Variants in PFKFB3 observed in about 807,000 individuals in gnomAD.
PFKFB3 encodes 6-phosphofructo-2-kinase/fructose-2,6-bisphosphatase 3.
A neutral mutation model predicts 68.0 loss-of-function variants in PFKFB3; 33 were observed. The ratio of observed to expected loss-of-function variants is 0.49; its 90% CI spans 0.37 to 0.65. PFKFB3 has a LOEUF of 0.65. Among genes scored for constraint, PFKFB3 ranks in the 30% least tolerant of loss-of-function variants. PFKFB3 has a pLI of 0.00. For synonymous variants in PFKFB3, 315 were observed against 288.2 expected (o/e 1.09, Z -0.94); for missense variants, 586 against 712.2 (o/e 0.82, Z 2.02).
At chr10:6,314,731 G>A in the PFKFB3 span, among the ~76,000 whole-genome samples, 1 of 152,302 alleles carries the variant, frequency 6.6e-6, no homozygotes, top group Non-Finnish European at 1.5e-5. Context: ...TCTGGAAGGG[G>A]AATGGCCGGG....
At chr10:6,156,440 G>A (rs1183287519) in intron 1 of PFKFB3, among the ~76,000 whole-genome samples, 1 of 151,630 alleles carries the variant, frequency 6.6e-6, no homozygotes, top group African/African-American at 2.4e-5. Flanking sequence ...ATAGGCATGT[G>A]TCATCACGTC....
intron 11 of PFKFB3, among the ~76,000 whole-genome samples, chr10:6,223,261 C>T (rs1421525085): frequency 6.6e-6 from 1 of 152,190 alleles, no homozygotes; most frequent in African/African-American, 2.4e-5. Context: ...TCCACACATC[C>T]CAGGGTCTTG....
chr10:6,293,666 T>A, the PFKFB3 span: 1 of 273,206 alleles, frequency 3.7e-6, no homozygotes, highest in Non-Finnish European at 7.7e-6. Context: ...TTTTAAATGA[T>A]AAAACCAACA....
chr10:6,226,486 T>TGCGTATGTTGTAGGTGTCTGTGCAC, intron 14 of PFKFB3, 121 bp downstream of exon 14: 1 of 896,298 alleles, frequency 1.1e-6, no homozygotes, highest in Non-Finnish European at 1.7e-6. Flanking sequence ...TGGGTGCGCG[T>TGCGTATGTTGTAGGTGTCTGTGCAC]GCGTATGTTG....
intron 1 of PFKFB3, among the ~76,000 whole-genome samples, chr10:6,191,815 C>A (rs1843030436): frequency 6.6e-6 from 1 of 152,166 alleles, no homozygotes; most frequent in Non-Finnish European, 1.5e-5. Flanking sequence ...AACCCCCGCG[C>A]CTTCGTCAGT....
the PFKFB3 span, among the ~76,000 whole-genome samples, chr10:6,262,433 C>T: frequency 7.0e-5 from 8 of 114,168 alleles, no homozygotes; most frequent in East Asian, 1.1e-3. Context: ...CCAGCCTGGG[C>T]GACAGCGAGA....
intron 1 of PFKFB3, among the ~76,000 whole-genome samples, chr10:6,149,349 G>A (rs1167960532): frequency 6.6e-6 from 1 of 152,130 alleles, no homozygotes; most frequent in Admixed American, 6.5e-5. Flanking sequence ...GCACTTGGGA[G>A]GCCAAGGCGG....
chr10:6,192,664 C>CATGT (rs1285620223), intron 1 of PFKFB3, among the ~76,000 whole-genome samples: 59 of 128,878 alleles, frequency 4.6e-4, no homozygotes, highest in African/African-American at 1.6e-3. Flanking sequence ...TCCCCTCACC[C>CATGT]GTGTGTGTGT....
intron 1 of PFKFB3, chr10:6,146,144 G>T (rs752180447): frequency 1.2e-4 from 92 of 773,956 alleles, no homozygotes; most frequent in Non-Finnish European, 1.4e-4. Context: ...GGGTGTGTGT[G>T]GGGGGAGCCT....
chr10:6,220,968 G>GCTGCTT lies in PFKFB3; in HGVS notation c.831+105_831+106insGCTTCT. On this transcript the variant is annotated intron_variant, in intron 8 of 14. Coordinates refer to ENST00000379775, the MANE Select transcript of PFKFB3 (RefSeq NM_004566.4). The surrounding 1 kb of genome is among the most constrained non-coding windows in gnomAD (Gnocchi z 4.1). ...TGCTGCTGCTGCTGCTGCTGCTGCT[G>GCTGCTT]CTTGGTGTGCTTGCTGTGTGTGTTA... 8.9e-7 allele frequency: 1 copy of GCTGCTT among 1,123,796 alleles called. No homozygotes were observed. Among genetic ancestry groups the GCTGCTT allele is most frequent in the Non-Finnish European group, 1.3e-6 (1 of 754,156 alleles). The allele number at this position is 1,123,796 out of a possible 1,614,324, so 69.6% of individuals were successfully genotyped here.
chr10:6,252,143 A>T (rs1846396182), intron 14 of PFKFB3, among the ~76,000 whole-genome samples: 1 of 152,180 alleles, frequency 6.6e-6, no homozygotes, highest in South Asian at 2.1e-4. Flanking sequence ...GCTAATACAG[A>T]AGTAAAACTC....
the PFKFB3 span, among the ~76,000 whole-genome samples, chr10:6,280,969 CCT>C: frequency 2.6e-5 from 4 of 150,962 alleles, no homozygotes; most frequent in Non-Finnish European, 5.9e-5. Flanking sequence ...ACCCTTTCCC[CCT>C]GAGTCCCCAA....
At chr10:6,245,081 G>A (rs932073251) in intron 14 of PFKFB3, among the ~76,000 whole-genome samples, 1 of 152,068 alleles carries the variant, frequency 6.6e-6, no homozygotes, top group Non-Finnish European at 1.5e-5. Context: ...TAAACAACTT[G>A]ACTTGTGGTC....
chr10:6,315,513 G>A, the PFKFB3 span, among the ~76,000 whole-genome samples: 2 of 151,976 alleles, frequency 1.3e-5, no homozygotes, highest in South Asian at 4.2e-4. Flanking sequence ...TTTGAGATGG[G>A]GTCTCTGTTG....
chr10:6,201,095 GCGCTCTTTGCAGGGGTGCAGC>G (rs1843332893), upstream of PFKFB3, among the ~76,000 whole-genome samples: 1 of 152,166 alleles, frequency 6.6e-6, no homozygotes, highest in South Asian at 2.1e-4. This position sits in a 1 kb window ranked among gnomAD's most constrained non-coding sequence, Gnocchi z 4.1. Flanking sequence ...GGAACCGCGG[GCGCTCTTTGCAGGGGTGCAGC>G]CGCTCTCCCC....
At chr10:6,246,552 G>A (rs1415041523) in intron 14 of PFKFB3, among the ~76,000 whole-genome samples, 1 of 151,942 alleles carries the variant, frequency 6.6e-6, no homozygotes, top group African/African-American at 2.4e-5. Context: ...ATGTTGGTCA[G>A]GCTGGTCTTG....
intron 1 of PFKFB3, among the ~76,000 whole-genome samples, chr10:6,196,077 C>T (rs777249353): frequency 1.2e-4 from 18 of 151,342 alleles, no homozygotes; most frequent in Non-Finnish European, 2.1e-4. Context: ...ATATTGAGAG[C>T]CAAGGCACAT....
chr10:6,167,114 C>T (rs1842167243), intron 1 of PFKFB3, among the ~76,000 whole-genome samples: 1 of 152,226 alleles, frequency 6.6e-6, no homozygotes, highest in South Asian at 2.1e-4. Context: ...GCCACCTTGC[C>T]TGGCCTCCTA....
intron 13 of PFKFB3, among the ~76,000 whole-genome samples, chr10:6,225,553 T>C (rs118127413): frequency 0.02 from 2,991 of 152,308 alleles, 218 homozygotes; most frequent in South Asian, 0.11. Context: ...TGGAGACAGA[T>C]CCCGGTTCTG....
Sources: allele counts gnomAD v4.1 joint callset (sites outside exome capture counted in the v4.1 genomes callset), GRCh38; gene constraint gnomAD v4.1.1; non-coding constraint Gnocchi (gnomAD v3.1); transcripts MANE v1.5; gene names NCBI Gene and HGNC (gene_info 2026-07-23, HGNC 2026-07-21).